The following CELF4 variants were observed in gnomAD, a reference collection of about 807,000 sequenced individuals.
CELF4 encodes the protein CUG-BP- and ETR-3-like factor 4.
In CELF4, 18 loss-of-function variants were observed where a neutral mutation model predicts 59.9. That is an observed-to-expected ratio of 0.30 (90% CI 0.21 to 0.45). The LOEUF is 0.45. Ranked by LOEUF, CELF4 falls within the 20% of genes least tolerant of loss-of-function variation. The pLI is 1.00. For synonymous variants in CELF4, 261 were observed against 267.1 expected (o/e 0.98, Z 0.22); for missense variants, 456 against 689.0 (o/e 0.66, Z 3.79).
intron 1 of CELF4, among the ~76,000 whole-genome samples, chr18:37,511,291 C>A (rs1243519934): frequency 6.6e-6 from 1 of 152,118 alleles, no homozygotes; most frequent in South Asian, 2.1e-4. Flanking sequence ...TGTGTGCTGC[C>A]CTCATGAGCA....
intron 1 of CELF4, among the ~76,000 whole-genome samples, chr18:37,532,175 C>G (rs142081534): frequency 6.6e-6 from 1 of 152,216 alleles, no homozygotes. Context: ...TTCTGCTGAT[C>G]TTTGCATTTC....
chr18:37,405,734 G>A (rs1485392640), intron 2 of CELF4, among the ~76,000 whole-genome samples: 1 of 152,232 alleles, frequency 6.6e-6, no homozygotes, highest in Non-Finnish European at 1.5e-5. Flanking sequence ...CTCTCTACCT[G>A]TTGAGGGAAG....
At position 37,243,958 on chromosome 18, in the gene CELF4, C is replaced by T. The variant is rs568896713; in HGVS notation, c.*1284G>A. 2.9e-5 allele frequency: 5 copies of T among 174,332 alleles called. No homozygotes were observed. In the South Asian group the frequency reaches 8.5e-4, roughly 30 times the overall value. 10.8% of individuals were successfully genotyped at this position (174,332 alleles called of 1,614,324 possible). ...GGGCGACGCGACCGTTCCCGACCGA[C>T]GGCGTGGCCTCCACCGGCGTCGGCA... On this transcript the variant is annotated 3_prime_UTR_variant, in exon 13 of 13. Transcript: ENST00000420428.
chr18:37,441,932 C>A (rs2154601217), intron 2 of CELF4, among the ~76,000 whole-genome samples: 1 of 151,914 alleles, frequency 6.6e-6, no homozygotes, highest in Middle Eastern at 3.4e-3. Flanking sequence ...GTCACCGAAA[C>A]CGCAAAGACC....
chr18:37,431,362 C>CTTTTT (rs35971960), intron 2 of CELF4, among the ~76,000 whole-genome samples: 51 of 81,550 alleles, frequency 6.3e-4, no homozygotes, highest in East Asian at 1.6e-3. Context: ...CCTTTCTTTC[C>CTTTTT]TTTTTTTTTT....
At chr18:37,268,378 T>C (rs2078764786) in intron 8 of CELF4, among the ~76,000 whole-genome samples, 1 of 152,220 alleles carries the variant, frequency 6.6e-6, no homozygotes, top group Non-Finnish European at 1.5e-5. Flanking sequence ...CTAAGCTCTA[T>C]AGAAGGAGAA....
intron 2 of CELF4, among the ~76,000 whole-genome samples, chr18:37,476,105 A>G (rs916789725): frequency 1.3e-5 from 2 of 152,258 alleles, no homozygotes; most frequent in African/African-American, 4.8e-5. Context: ...TGTCATTAAT[A>G]ATACAACTTG....
intron 2 of CELF4, among the ~76,000 whole-genome samples, chr18:37,356,830 G>A (rs1452890245): frequency 2.0e-5 from 3 of 152,060 alleles, no homozygotes; most frequent in African/African-American, 7.2e-5. Context: ...TCTCTCTACC[G>A]GCAGCCTGGG....
intron 2 of CELF4, among the ~76,000 whole-genome samples, chr18:37,456,132 C>A (rs2099777586): frequency 6.6e-6 from 1 of 152,180 alleles, no homozygotes; most frequent in African/African-American, 2.4e-5. Context: ...CTGGCACCTT[C>A]CTCTTTGGCT....
At chr18:37,487,689 G>A (rs2099884142) in intron 1 of CELF4, among the ~76,000 whole-genome samples, 1 of 152,174 alleles carries the variant, frequency 6.6e-6, no homozygotes, top group Admixed American at 6.5e-5. Flanking sequence ...CACTGCCTCT[G>A]CTGTACGCAG....
In CELF4 at chr18:37,344,894, C is replaced by T. The variant is rs2098194570; in HGVS notation, c.370-23013G>A. ...CCCCCTAGAGATGCACATGAAAATC[C>T]TTGCCCTTTTTGCAGACTCTAAGAG... is the stretch of plus-strand genomic sequence containing the variant. On this transcript the variant is annotated intron_variant, in intron 2 of 12. Transcript: ENST00000420428. Among the ~76,000 whole-genome samples, 3 of 152,184 alleles carry T rather than the reference C, an allele frequency of 2.0e-5. No individual in the cohort carries two copies. In the South Asian group the frequency reaches 6.2e-4, roughly 32 times the overall value.
rs778153121 is a variant in CELF4 at position 37,321,764 on chromosome 18, GA to G, written c.448+38del. ...CGTCGGGAAAAGGAGGGAGGAGTGAGAGGGGGAGGGGGAGGGGCAGAGACAA... is the reference window on the plus strand; with the variant it reads ...CGTCGGGAAAAGGAGGGAGGAGTGAGGGGGGAGGGGGAGGGGCAGAGACAA... On this transcript the variant is annotated intron_variant, in intron 3 of 12. Transcript: ENST00000420428. The G allele has an allele frequency of 1.8e-4, 263 of 1,438,978 alleles. No homozygotes were observed. The African/African-American group carries it at 2.7e-3, about 15-fold the overall frequency. 89.1% of individuals were successfully genotyped at this position (1,438,978 alleles called of 1,614,324 possible). A position where few individuals can be genotyped will look rare whatever the true frequency, so the allele number is the denominator to read the frequency against.
chr18:37,254,465 C>A lies in CELF4; in HGVS notation c.1334-527G>T, dbSNP rs1260050834. Among the ~76,000 whole-genome samples, 1 of 151,932 alleles carries A rather than the reference C, an allele frequency of 6.6e-6. No homozygotes were observed. The highest frequency in any genetic ancestry group is 1.5e-5 in the Non-Finnish European group (1 of 67,936). ...CCACCGCCGGCCCGGCCGCCCCCCTCGCCACCGCAGGTGCCCGGCTGTCGG... is the reference window on the plus strand; with the variant it reads ...CCACCGCCGGCCCGGCCGCCCCCCTAGCCACCGCAGGTGCCCGGCTGTCGG... On this transcript the variant is annotated intron_variant, in intron 11 of 12. Transcript: ENST00000420428. The surrounding 1 kb of genome is among the most constrained non-coding windows in gnomAD (Gnocchi z 5.1).
intron 2 of CELF4, among the ~76,000 whole-genome samples, chr18:37,412,691 G>C (rs1791479): frequency 0.15 from 23,091 of 152,152 alleles, 2,078 homozygotes; most frequent in Middle Eastern, 0.23. Flanking sequence ...TGTATGGACG[G>C]GTGAATGAAT....
At chr18:37,355,648 G>A (rs557286349) in intron 2 of CELF4, among the ~76,000 whole-genome samples, 11 of 146,856 alleles carry the variant, frequency 7.5e-5, no homozygotes, top group African/African-American at 2.8e-4. Flanking sequence ...ACTCCAGCCT[G>A]GGCGACAGAG....
chr18:37,394,131 AC>A (rs1405484949), intron 2 of CELF4, among the ~76,000 whole-genome samples: 1 of 151,970 alleles, frequency 6.6e-6, no homozygotes, highest in African/African-American at 2.4e-5. Flanking sequence ...GACCGGCCCG[AC>A]GGGGGCGGGG....
intron 2 of CELF4, among the ~76,000 whole-genome samples, chr18:37,431,363 T>TC (rs2099658882): frequency 1.6e-5 from 1 of 61,328 alleles, no homozygotes; most frequent in African/African-American, 5.9e-5. Context: ...CTTTCTTTCC[T>TC]TTTTTTTTTT....
intron 2 of CELF4, among the ~76,000 whole-genome samples, chr18:37,424,282 C>T (rs898887717): frequency 5.9e-5 from 9 of 152,196 alleles, no homozygotes; most frequent in East Asian, 1.9e-4. Flanking sequence ...GATCTCTATG[C>T]AGGCGTATGG....
chr18:37,412,690 G>A (rs968221714), intron 2 of CELF4, among the ~76,000 whole-genome samples: 1 of 152,102 alleles, frequency 6.6e-6, no homozygotes, highest in East Asian at 1.9e-4. Context: ...GTGTATGGAC[G>A]GGTGAATGAA....
Sources: gnomAD v4.1 joint callset for allele counts (sites outside exome capture counted in the v4.1 genomes callset) on GRCh38, gnomAD v4.1.1 for gene constraint, Gnocchi (gnomAD v3.1) non-coding constraint, MANE v1.5 for transcripts, NCBI Gene and HGNC (gene_info 2026-07-23, HGNC 2026-07-21) for gene names.